SEZ6L: variants seen among roughly 807,000 people sequenced by gnomAD.
The protein encoded by SEZ6L is seizure related 6 homolog like.
In SEZ6L, 37 loss-of-function variants were observed where a neutral mutation model predicts 106.2. The observed-to-expected ratio is 0.35, with a 90% CI of 0.27 to 0.46. The LOEUF is 0.46. Among genes scored for constraint, SEZ6L ranks in the 20% least tolerant of loss-of-function variants. The pLI, the probability that SEZ6L is intolerant of heterozygous loss-of-function variation, is 1.00. For synonymous variants in SEZ6L, 541 were observed against 570.4 expected, an observed-to-expected ratio of 0.95 and a Z score of 0.73; for missense variants, 1,172 against 1,332.8, an observed-to-expected ratio of 0.88 and a Z score of 1.88.
At chr22:26,295,776 A>C (rs149674265) in intron 3 of SEZ6L, among the ~76,000 whole-genome samples, 1 of 152,176 alleles carries the variant, frequency 6.6e-6, no homozygotes, top group Non-Finnish European at 1.5e-5. Context: ...TGATGTAAAA[A>C]ACTGATGCAA....
At chr22:26,300,400 C>T (rs949162621) in intron 5 of SEZ6L, among the ~76,000 whole-genome samples, 15 of 151,850 alleles carry the variant, frequency 9.9e-5, no homozygotes, top group East Asian at 3.9e-4. Context: ...TGAGAACATG[C>T]GGTGTTTGGT....
intron 1 of SEZ6L, among the ~76,000 whole-genome samples, chr22:26,237,648 A>T (rs2078993269): frequency 6.6e-6 from 1 of 152,248 alleles, no homozygotes; most frequent in Non-Finnish European, 1.5e-5. Flanking sequence ...GTTCACCAAT[A>T]CAGTGTGGAA....
At chr22:26,212,134 C>T (rs1010041363) in intron 1 of SEZ6L, among the ~76,000 whole-genome samples, 27 of 152,148 alleles carry the variant, frequency 1.8e-4, no homozygotes, top group African/African-American at 5.5e-4. Context: ...AGAGGGAACA[C>T]GCAGAGTTTA....
chr22:26,236,015 T>C (rs537933486), intron 1 of SEZ6L, among the ~76,000 whole-genome samples: 1 of 152,388 alleles, frequency 6.6e-6, no homozygotes, highest in African/African-American at 2.4e-5. Context: ...GGCCTGGCCT[T>C]GGCCCTGCAC....
At position 26,365,437 on chromosome 22, in the gene SEZ6L, C is replaced by A; in HGVS notation, c.2665C>A (p.Arg889=). ...PENGYQILYK[R]LYLPGESLTF... ...AAATGGATACCAAATCCTGTACAAG[C>A]GACTCTACCTGCCAGGAGAGTCCCT... Residue 889 remains arginine, a synonymous_variant, in exon 13 of 17, where the codon CGA becomes AGA. Transcript: ENST00000248933. The A allele has an allele frequency of 6.2e-7, 1 of 1,614,074 alleles. No individual in the cohort carries two copies.
At chr22:26,295,432 G>C (rs2145890367) in intron 3 of SEZ6L, among the ~76,000 whole-genome samples, 1 of 152,284 alleles carries the variant, frequency 6.6e-6, no homozygotes, top group Admixed American at 6.5e-5. Context: ...CCTTAGGAAG[G>C]TTTTTTGTTT....
Position 26,298,975 on chromosome 22 carries a change from T to C in SEZ6L, c.1163-9T>C, listed in dbSNP as rs954779901. On this transcript the variant is annotated splice_polypyrimidine_tract_variant and intron_variant, in intron 4 of 16. Transcript: ENST00000248933. ...TGATGACTGAGTCTGCCTCTGCATT[T>C]CTTCCCAGCCTTCATGCTGAGCTGC... 7 of 1,549,158 alleles carry C rather than the reference T, an allele frequency of 4.5e-6. No homozygotes were observed. The highest frequency in any genetic ancestry group is 6.1e-6 in the Non-Finnish European group (7 of 1,145,490).
chr22:26,208,708 TCATA>T (rs1941422862), intron 1 of SEZ6L, among the ~76,000 whole-genome samples: 1 of 152,172 alleles, frequency 6.6e-6, no homozygotes, highest in Admixed American at 6.5e-5. Flanking sequence ...ATAGTTTTCT[TCATA>T]TTTATCCTGC....
chr22:26,358,970 T>C (rs1392717163), intron 12 of SEZ6L, among the ~76,000 whole-genome samples: 1 of 152,186 alleles, frequency 6.6e-6, no homozygotes, highest in African/African-American at 2.4e-5. Flanking sequence ...GATGATCTTA[T>C]TTCAAAGTGT....
At chr22:26,361,748 C>A (rs2083643384) in intron 12 of SEZ6L, among the ~76,000 whole-genome samples, 1 of 152,012 alleles carries the variant, frequency 6.6e-6, no homozygotes. Flanking sequence ...CACAGACATA[C>A]AACTAGGATG....
At chr22:26,348,710 G>GAAAGGAAGGAA (rs1569473878) in intron 11 of SEZ6L, among the ~76,000 whole-genome samples, 1 of 74,508 alleles carries the variant, frequency 1.3e-5, no homozygotes, top group African/African-American at 5.9e-5. Flanking sequence ...AAGAAGGCAA[G>GAAAGGAAGGAA]GGAGGGAAGG....
rs1333164837 is a variant in SEZ6L, at chr22:26,313,578, ACACACACACACACACACACACACACG to A, written c.1877-172_1877-147del. Reference sequence around the variant, plus strand: ...CAGCTCTCATTTAATCATTACACACACACACACACACACACACACACACACGCACACACACACACGTGCTGGCTGCC... The same window carrying A: ...CAGCTCTCATTTAATCATTACACACACACACACACACACGTGCTGGCTGCC... On this transcript the variant is annotated intron_variant, in intron 8 of 16. Coordinates refer to ENST00000248933, the MANE Select transcript of SEZ6L (RefSeq NM_021115.5). 5.2e-3 allele frequency among the ~76,000 whole-genome samples: 378 copies of A among 72,242 alleles called. 9 individuals carry two copies. The East Asian group carries it at 0.086, about 16-fold the overall frequency. 47.4% of individuals were successfully genotyped at this position (72,242 alleles called of 152,430 possible).
At chr22:26,211,704 TC>T (rs1323993266) in intron 1 of SEZ6L, among the ~76,000 whole-genome samples, 6 of 145,784 alleles carry the variant, frequency 4.1e-5, no homozygotes, top group Non-Finnish European at 5.9e-5. Flanking sequence ...GTGTGGTGGC[TC>T]ACACCTGTAA....
intron 1 of SEZ6L, among the ~76,000 whole-genome samples, chr22:26,202,636 T>A (rs974487339): frequency 1.3e-5 from 2 of 152,168 alleles, no homozygotes; most frequent in African/African-American, 4.8e-5. Context: ...ATTCATCAAT[T>A]TTATGTCTTA....
At chr22:26,283,609 G>A (rs1445718239) in intron 1 of SEZ6L, among the ~76,000 whole-genome samples, 1 of 152,150 alleles carries the variant, frequency 6.6e-6, no homozygotes, top group African/African-American at 2.4e-5. Flanking sequence ...AATTCCTATG[G>A]TATGACAGCA....
At chr22:26,224,673 GC>G (rs2078584256) in intron 1 of SEZ6L, among the ~76,000 whole-genome samples, 2 of 152,296 alleles carry the variant, frequency 1.3e-5, no homozygotes, top group East Asian at 1.9e-4. Flanking sequence ...ATGGAGAAGA[GC>G]ATACAGATAC....
chr22:26,258,112 C>T (rs1178564481), intron 1 of SEZ6L, among the ~76,000 whole-genome samples: 1 of 152,060 alleles, frequency 6.6e-6, no homozygotes, highest in Non-Finnish European at 1.5e-5. Context: ...ATCCGCTCTG[C>T]CCAGATCTGG....
chr22:26,233,354 C>T (rs2078859442), intron 1 of SEZ6L, among the ~76,000 whole-genome samples: 1 of 152,192 alleles, frequency 6.6e-6, no homozygotes, highest in Non-Finnish European at 1.5e-5. Context: ...GGAAGGTGGA[C>T]ATTTGTCCAG....
At chr22:26,251,670 C>T (rs987237751) in intron 1 of SEZ6L, among the ~76,000 whole-genome samples, 14 of 152,268 alleles carry the variant, frequency 9.2e-5, no homozygotes, top group African/African-American at 3.1e-4. Flanking sequence ...CAGCAAAGTG[C>T]CTGCACAGAA....
Sources: allele counts gnomAD v4.1 joint callset (sites outside exome capture counted in the v4.1 genomes callset), GRCh38; gene constraint gnomAD v4.1.1; transcripts MANE v1.5; gene names NCBI Gene and HGNC (gene_info 2026-07-23, HGNC 2026-07-21).